The following HEPH variants were observed in gnomAD, a reference collection of about 807,000 sequenced individuals.
HEPH encodes hephaestin.
In HEPH, 69 loss-of-function variants were observed where a neutral mutation model predicts 80.8. The observed-to-expected ratio is 0.85, with a 90% confidence interval of 0.70 to 1.04. The LOEUF (loss-of-function observed/expected upper bound fraction) is 1.04, where lower values mean the gene tolerates loss of function less well. Among genes scored for constraint, HEPH ranks in the 50% least tolerant of loss-of-function variants. The pLI is 0.00. For synonymous variants in HEPH, 431 were observed against 322.8 expected (o/e 1.34, Z -3.60); for missense variants, 1,115 against 891.3 (o/e 1.25, Z -3.20).
chrX:66,176,677 G>A (rs1420956676), intron 4 of HEPH, among the ~76,000 whole-genome samples: 1 of 110,731 alleles, frequency 9.0e-6, no homozygotes, highest in African/African-American at 3.3e-5. Flanking sequence ...AGTCCCTGGT[G>A]TGTGATGTTC....
At chrX:66,197,574 A>T (rs1232443496) in intron 9 of HEPH, 109 bp from the exon 10 acceptor site, 3 of 581,000 alleles carry the variant, frequency 5.2e-6, no homozygotes, top group Non-Finnish European at 8.5e-6. Flanking sequence ...TGTTGCTGCT[A>T]CTGCTGCTCC....
At position 66,223,969 on chromosome X, in the gene HEPH, A is replaced by T. The variant is rs2089767247; in HGVS notation, c.2563+15723A>T. Reference sequence around the variant, plus strand: ...CACAGACAATTCTTCGACATGCCTTAACTTTCTGACTTATTACAAACATTT... The same window carrying T: ...CACAGACAATTCTTCGACATGCCTTTACTTTCTGACTTATTACAAACATTT... On this transcript the variant is annotated intron_variant, in intron 15 of 20. Transcript: ENST00000343002. 3.6e-5 allele frequency among the ~76,000 whole-genome samples: 4 copies of T among 111,526 alleles called. No individual in the cohort carries two copies. In the South Asian group the frequency reaches 1.5e-3, roughly 41 times the overall value.
intron 13 of HEPH, among the ~76,000 whole-genome samples, chrX:66,206,756 C>A (rs2088802815): frequency 9.1e-6 from 1 of 110,279 alleles, no homozygotes; most frequent in Non-Finnish European, 1.9e-5. Context: ...TGGCTCATGC[C>A]TGTAATCCCA....
chrX:66,216,656 C>T, intron 15 of HEPH, among the ~76,000 whole-genome samples: 1 of 111,624 alleles, frequency 9.0e-6, no homozygotes, highest in Non-Finnish European at 1.9e-5. Flanking sequence ...TATGACAAAA[C>T]AAATTATTTA....
chrX:66,190,305 A>G (rs1005858076), intron 6 of HEPH, among the ~76,000 whole-genome samples: 2 of 111,379 alleles, frequency 1.8e-5, no homozygotes, highest in Non-Finnish European at 3.8e-5. Flanking sequence ...ATTAATTAAA[A>G]GAGAGTAACA....
chrX:66,190,889 A>C (rs1309080478), intron 6 of HEPH, among the ~76,000 whole-genome samples: 1 of 111,710 alleles, frequency 9.0e-6, no homozygotes, highest in Non-Finnish European at 1.9e-5. Context: ...TTAGAGATGC[A>C]GCATGATAGT....
rs2087999320 is a variant in HEPH at position 66,194,836 on chromosome X, G to C, written c.1370-262G>C. Among the ~76,000 whole-genome samples, 3 of 111,737 alleles carry C rather than the reference G, an allele frequency of 2.7e-5. No individual in the cohort carries two copies. The Admixed American group carries it at 2.8e-4, about 11-fold the overall frequency. On this transcript the variant is annotated intron_variant, in intron 8 of 20. Transcript: ENST00000343002. ...TCTCTCAGCTGAAATTTTCTCATCT[G>C]TAAATTGGAGTTAATAATTTTTGCC... is the stretch of plus-strand genomic sequence containing the variant.
At chrX:66,202,508 C>G (rs1043048338) in intron 12 of HEPH, among the ~76,000 whole-genome samples, 1 of 111,615 alleles carries the variant, frequency 9.0e-6, no homozygotes. Context: ...AGCTTAAGAT[C>G]TGGTCCAGGC....
chrX:66,259,920 G>A (rs1224466307), intron 18 of HEPH, among the ~76,000 whole-genome samples, 180 bp from the exon 19 acceptor site: 4 of 108,864 alleles, frequency 3.7e-5, no homozygotes, highest in African/African-American at 1.3e-4. Flanking sequence ...TAGAGACGGG[G>A]TTTCATCATG....
chrX:66,200,893 C>T (rs1161721254), intron 12 of HEPH, 141 bp downstream of exon 12: 8 of 472,592 alleles, frequency 1.7e-5, no homozygotes, highest in Non-Finnish European at 2.9e-5. Flanking sequence ...TTGTCTTTTT[C>T]TTCTTCAATG....
At chrX:66,227,622 AC>A (rs1473941053) in intron 15 of HEPH, among the ~76,000 whole-genome samples, 1 of 112,025 alleles carries the variant, frequency 8.9e-6, no homozygotes, top group Non-Finnish European at 1.9e-5. Context: ...CATTTGTCAT[AC>A]CAGTACCCAG....
At chrX:66,215,859 C>T (rs1405143376) in intron 15 of HEPH, among the ~76,000 whole-genome samples, 1 of 112,349 alleles carries the variant, frequency 8.9e-6, no homozygotes, top group African/African-American at 3.2e-5. Flanking sequence ...CAGCCCTGCT[C>T]ACCAACTACC....
intron 11 of HEPH, among the ~76,000 whole-genome samples, chrX:66,200,122 G>A (rs557926560): frequency 7.0e-4 from 77 of 110,560 alleles, no homozygotes; most frequent in Middle Eastern, 9.3e-3. Context: ...GTATGGGGGC[G>A]TGGAAAATGA....
At chrX:66,217,279 G>A (rs2089439777) in intron 15 of HEPH, among the ~76,000 whole-genome samples, 2 of 110,719 alleles carry the variant, frequency 1.8e-5, no homozygotes, top group South Asian at 7.6e-4. Flanking sequence ...AAAGTTGGGA[G>A]GCAAAAGCAC....
intron 15 of HEPH, among the ~76,000 whole-genome samples, chrX:66,241,910 G>T (rs2090603056): frequency 9.0e-6 from 1 of 110,812 alleles, no homozygotes; most frequent in African/African-American, 3.3e-5. Flanking sequence ...TGGGTAGAAA[G>T]AATCATTATT....
intron 6 of HEPH, among the ~76,000 whole-genome samples, chrX:66,190,223 T>C (rs1050200976): frequency 9.1e-6 from 1 of 110,325 alleles, no homozygotes; most frequent in Non-Finnish European, 1.9e-5. Flanking sequence ...AGCTTTTTAT[T>C]ATTTGCTTAG....
chrX:66,187,759 C>T (rs1042756148), intron 4 of HEPH, among the ~76,000 whole-genome samples: 1 of 111,592 alleles, frequency 9.0e-6, no homozygotes, highest in Non-Finnish European at 1.9e-5. Context: ...ATGCAAGCCT[C>T]CACATGCTGC....
chrX:66,173,158 C>A (rs1488339627), intron 3 of HEPH, among the ~76,000 whole-genome samples: 2 of 112,388 alleles, frequency 1.8e-5, no homozygotes, highest in African/African-American at 6.5e-5. Context: ...CCTTAGTTTT[C>A]TCTTCCATAC....
chrX:66,245,377 A>C (rs1042978639), intron 15 of HEPH, among the ~76,000 whole-genome samples: 3 of 111,748 alleles, frequency 2.7e-5, no homozygotes, highest in East Asian at 2.8e-4. Context: ...TCAAAAGAGA[A>C]AAAGAAGGCC....
Sources: gnomAD v4.1 joint callset for allele counts (sites outside exome capture counted in the v4.1 genomes callset) on GRCh38, gnomAD v4.1.1 for gene constraint, MANE v1.5 for transcripts, NCBI Gene and HGNC (gene_info 2026-07-23, HGNC 2026-07-21) for gene names.